Variants in SMIM21 observed in about 807,000 individuals in gnomAD.
SMIM21 encodes chromosome 18 open reading frame 62.
SMIM21 carries 8 observed loss-of-function variants against 8.6 expected under a neutral mutation model. That is an observed-to-expected ratio of 0.93 (90% CI 0.55 to 1.68). The LOEUF is 1.68. Among genes scored for constraint, SMIM21 ranks in the 40% most tolerant of loss-of-function variants. SMIM21 has a pLI of 0.00. For synonymous variants in SMIM21, 43 were observed against 41.7 expected, an observed-to-expected ratio of 1.03 and a Z score of -0.12; for missense variants, 132 against 123.0, an observed-to-expected ratio of 1.07 and a Z score of -0.35.
rs188359794 is a variant in SMIM21, at chr18:75,410,277, A to G, written c.*587T>C. Reference sequence around the variant, plus strand: ...TTCATTAGGTCACAATCAGTAATTGATTCTCAGTGTGTCTCTGCTGGTTTT... The same window carrying G: ...TTCATTAGGTCACAATCAGTAATTGGTTCTCAGTGTGTCTCTGCTGGTTTT... On this transcript the variant is annotated 3_prime_UTR_variant, in exon 3 of 3. Transcript: ENST00000579022. The G allele has an allele frequency of 5.2e-3, 795 of 152,818 alleles. 2 individuals carry two copies. Among genetic ancestry groups the G allele is most frequent in the Non-Finnish European group, 8.4e-3 (575 of 68,112 alleles). 9.5% of individuals were successfully genotyped at this position (152,818 alleles called of 1,614,324 possible). A position where few individuals can be genotyped will look rare whatever the true frequency, so the allele number is the denominator to read the frequency against.
chr18:75,417,568 C>G (rs2024660557), intron 2 of SMIM21: 1 of 152,198 alleles, frequency 6.6e-6, no homozygotes. Context: ...ACTGTACAGA[C>G]TAGTTAGCAG....
chr18:75,409,838 A>G lies in SMIM21; in HGVS notation c.*1026T>C, dbSNP rs12960753. The G allele has an allele frequency of 0.73, 110,713 of 152,458 alleles. 40,660 individuals carry two copies. The highest frequency in any genetic ancestry group is 0.99 in the East Asian group (5,131 of 5,176). 9.4% of individuals were successfully genotyped at this position (152,458 alleles called of 1,614,324 possible). A position where few individuals can be genotyped will look rare whatever the true frequency, so the allele number is the denominator to read the frequency against. ...CAGGTGGATTTGCCCTTTGGTCGTC[A>G]GGCTGCACTGTGAGTTCTGAATCCC... On this transcript the variant is annotated 3_prime_UTR_variant, in exon 3 of 3. Transcript: ENST00000579022.
intron 2 of SMIM21, chr18:75,412,609 A>T (rs2024595701): frequency 6.6e-6 from 1 of 152,226 alleles, no homozygotes; most frequent in African/African-American, 2.4e-5. Flanking sequence ...GGCCCTGGGC[A>T]CATAGGCTCC....
At chr18:75,426,398 C>T (rs2024762268) in intron 1 of SMIM21, among the ~76,000 whole-genome samples, 1 of 151,930 alleles carries the variant, frequency 6.6e-6, no homozygotes, top group South Asian at 2.1e-4. Flanking sequence ...CAAGCTCTGC[C>T]TCCCGGGTTC....
rs1599103385 is a variant in SMIM21, at chr18:75,414,114, C to CACACAT, written c.261-3206_261-3205insATGTGT. ...ACACACACATACACACACACACACA[C>CACACAT]ACACACATACACACACACACACACA... On this transcript the variant is annotated intron_variant, in intron 2 of 2. Coordinates refer to ENST00000579022, the MANE Select transcript of SMIM21 (RefSeq NM_001037331.3). 3.5e-5 allele frequency among the ~76,000 whole-genome samples: 5 copies of CACACAT among 142,668 alleles called. No homozygotes were observed. In the East Asian group the frequency reaches 6.2e-4, roughly 18 times the overall value. 93.6% of individuals were successfully genotyped at this position (142,668 alleles called of 152,430 possible).
At chr18:75,417,321 G>A (rs2024657127) in intron 2 of SMIM21, 1 of 152,230 alleles carries the variant, frequency 6.6e-6, no homozygotes, top group African/African-American at 2.4e-5. Flanking sequence ...CTCCCAGCAA[G>A]AGAGTAGAGA....
At chr18:75,418,321 TAGAAATAAAC>T (rs1472117370) in intron 2 of SMIM21, 4 of 394,210 alleles carry the variant, frequency 1.0e-5, no homozygotes, top group Non-Finnish European at 1.3e-5. Flanking sequence ...GGAATCACTC[TAGAAATAAAC>T]TCAAAGAAGG....
At chr18:75,424,784 C>A (rs1194547759) in intron 1 of SMIM21, among the ~76,000 whole-genome samples, 4 of 152,222 alleles carry the variant, frequency 2.6e-5, no homozygotes, top group Non-Finnish European at 4.4e-5. Flanking sequence ...AAATGTCTCA[C>A]TAATGTGACA....
At chr18:75,418,221 C>A in intron 2 of SMIM21, 1 of 398,396 alleles carries the variant, frequency 2.5e-6, no homozygotes, top group Admixed American at 4.4e-5. Flanking sequence ...AATTAATATG[C>A]CTTCCAGTTT....
At chr18:75,424,512 C>A (rs1189836384) in intron 1 of SMIM21, among the ~76,000 whole-genome samples, 3 of 152,196 alleles carry the variant, frequency 2.0e-5, no homozygotes, top group Admixed American at 6.5e-5. Context: ...GAGGATCACT[C>A]TTCCTTCAAT....
At chr18:75,413,813 A>T (rs550390178) in intron 2 of SMIM21, among the ~76,000 whole-genome samples, 1 of 152,238 alleles carries the variant, frequency 6.6e-6, no homozygotes, top group South Asian at 2.1e-4. Flanking sequence ...GAGTGCAAAC[A>T]CCTTGTCTAC....
intron 1 of SMIM21, among the ~76,000 whole-genome samples, chr18:75,422,270 A>G (rs901933621): frequency 5.9e-5 from 9 of 152,142 alleles, no homozygotes; most frequent in Non-Finnish European, 1.0e-4. Flanking sequence ...ATTTGACTCA[A>G]TGGGCACCTC....
At chr18:75,419,115 A>G in intron 1 of SMIM21, 199 bp from the exon 2 acceptor site, 2 of 411,104 alleles carry the variant, frequency 4.9e-6, no homozygotes, top group Non-Finnish European at 8.7e-6. Flanking sequence ...AAGATAATGC[A>G]TGTAAAACAA....
intron 1 of SMIM21, among the ~76,000 whole-genome samples, chr18:75,421,925 C>A (rs1238358612): frequency 2.0e-5 from 3 of 152,224 alleles, no homozygotes; most frequent in Admixed American, 6.5e-5. Context: ...TATTATCATG[C>A]AAGTAATTTT....
rs1249486460 is a variant in SMIM21, at chr18:75,410,213, A to G, written c.*651T>C. The G allele has an allele frequency of 6.6e-6, 1 of 152,640 alleles. No homozygotes were observed. Among genetic ancestry groups the G allele is most frequent in the Non-Finnish European group, 1.5e-5 (1 of 68,064 alleles). The allele number at this position is 152,640 out of a possible 1,614,324, so 9.5% of individuals were successfully genotyped here. On this transcript the variant is annotated 3_prime_UTR_variant, in exon 3 of 3. Coordinates refer to ENST00000579022, the MANE Select transcript of SMIM21 (RefSeq NM_001037331.3). ...TCCATCCTAAATCATTTGATAATGT[A>G]AGAGGCTTGGTGCAGTTTTCTACTT...
chr18:75,424,222 A>G (rs559633078), intron 1 of SMIM21, among the ~76,000 whole-genome samples: 2 of 152,352 alleles, frequency 1.3e-5, no homozygotes, highest in South Asian at 2.1e-4. Flanking sequence ...AGTAGCAAAT[A>G]CAATCAACAA....
At chr18:75,424,453 G>A (rs1051475030) in intron 1 of SMIM21, among the ~76,000 whole-genome samples, 4 of 152,102 alleles carry the variant, frequency 2.6e-5, no homozygotes. Context: ...GGTATGTTTA[G>A]GATACAGCAC....
chr18:75,414,108 CACACACACACACAT>C (rs1024334705), intron 2 of SMIM21, among the ~76,000 whole-genome samples: 2 of 145,732 alleles, frequency 1.4e-5, no homozygotes, highest in African/African-American at 4.9e-5. Context: ...TACACACACA[CACACACACACACAT>C]ACACACACAC....
intron 1 of SMIM21, among the ~76,000 whole-genome samples, chr18:75,424,937 T>A (rs2024745820): frequency 1.3e-5 from 2 of 152,158 alleles, no homozygotes; most frequent in Admixed American, 1.3e-4. Flanking sequence ...GTGCTGCACA[T>A]CACACTCCTC....
Sources: allele counts gnomAD v4.1 joint callset (sites outside exome capture counted in the v4.1 genomes callset), GRCh38; gene constraint gnomAD v4.1.1; transcripts MANE v1.5; gene names NCBI Gene and HGNC (gene_info 2026-07-23, HGNC 2026-07-21).